The following THSD7A variants were observed in gnomAD, a reference collection of about 807,000 sequenced individuals.
THSD7A encodes the protein thrombospondin type 1 domain containing 7A, also known as thrombospondin type-1 domain-containing protein 7A.
In THSD7A, 96 loss-of-function variants were observed where a neutral mutation model predicts 231.3. The ratio of observed to expected loss-of-function variants is 0.41; its 90% CI spans 0.35 to 0.49. The LOEUF is 0.49. Ranked by LOEUF, THSD7A falls within the 20% of genes least tolerant of loss-of-function variation. THSD7A has a pLI of 0.05. For synonymous variants in THSD7A, 940 were observed against 743.3 expected (o/e 1.26, Z -4.30); for missense variants, 2,290 against 2,070.2 (o/e 1.11, Z -2.06).
chr7:11,780,015 C>T (rs530587456), intron 1 of THSD7A, among the ~76,000 whole-genome samples: 2 of 152,288 alleles, frequency 1.3e-5, no homozygotes, highest in East Asian at 3.9e-4. Flanking sequence ...ACAGCCAACA[C>T]TTGTTTTTCA....
chr7:11,765,396 C>A (rs1304808705), intron 1 of THSD7A, among the ~76,000 whole-genome samples: 2 of 152,090 alleles, frequency 1.3e-5, no homozygotes, highest in East Asian at 3.9e-4. Context: ...TAGGTGATAT[C>A]CAGCTGAATA....
chr7:11,622,013 G>A (rs947339984), intron 2 of THSD7A, among the ~76,000 whole-genome samples: 5 of 152,128 alleles, frequency 3.3e-5, no homozygotes, highest in Admixed American at 1.3e-4. Context: ...AGTGATATTT[G>A]GATGCTTCCA....
chr7:11,766,917 C>A (rs1783047825), intron 1 of THSD7A, among the ~76,000 whole-genome samples: 1 of 152,114 alleles, frequency 6.6e-6, no homozygotes, highest in Non-Finnish European at 1.5e-5. Context: ...ACTGCCACTG[C>A]ATTAATGTTT....
chr7:11,502,398 G>C (rs1026285530), intron 6 of THSD7A, among the ~76,000 whole-genome samples: 1 of 152,060 alleles, frequency 6.6e-6, no homozygotes, highest in Non-Finnish European at 1.5e-5. Flanking sequence ...CAAAATACTT[G>C]CAAACCAAAT....
intron 6 of THSD7A, among the ~76,000 whole-genome samples, chr7:11,521,097 T>C (rs1788242656): frequency 6.6e-6 from 1 of 152,202 alleles, no homozygotes; most frequent in South Asian, 2.1e-4. Flanking sequence ...ATCAGCCTGA[T>C]TTAAGGAACA....
At chr7:11,671,973 C>T (rs956996051) in intron 1 of THSD7A, among the ~76,000 whole-genome samples, 2 of 152,114 alleles carry the variant, frequency 1.3e-5, no homozygotes, top group Admixed American at 6.6e-5. Flanking sequence ...CTTCATTCTT[C>T]ATTTCTCTCA....
chr7:11,686,205 G>A (rs60828552), intron 1 of THSD7A, among the ~76,000 whole-genome samples: 15,922 of 151,648 alleles, frequency 0.1, 842 homozygotes, highest in African/African-American at 0.13. Context: ...AAAGAGTAAG[G>A]GTTAAGGGCT....
At position 11,651,267 on chromosome 7, in the gene THSD7A, A is replaced by T. The variant is rs576447928; in HGVS notation, c.191-14306T>A. ...AGAGACAGAAGATAGAGTGGTGGTTATGAGGGGATAGGTGAAGAAGGATAT... is the reference window on the plus strand; with the variant it reads ...AGAGACAGAAGATAGAGTGGTGGTTTTGAGGGGATAGGTGAAGAAGGATAT... On this transcript the variant is annotated intron_variant, in intron 1 of 27. Transcript: ENST00000423059. 2.6e-5 allele frequency among the ~76,000 whole-genome samples: 4 copies of T among 152,106 alleles called. No individual in the cohort carries two copies. In the East Asian group the frequency reaches 7.8e-4, roughly 30 times the overall value.
intron 6 of THSD7A, among the ~76,000 whole-genome samples, chr7:11,508,713 G>A (rs911731947): frequency 6.6e-6 from 1 of 152,140 alleles, no homozygotes; most frequent in Non-Finnish European, 1.5e-5. Context: ...ATTTATGAAT[G>A]GATAAAGAAA....
chr7:11,658,420 A>G (rs892171604), intron 1 of THSD7A, among the ~76,000 whole-genome samples: 6 of 151,640 alleles, frequency 4.0e-5, no homozygotes, highest in Non-Finnish European at 8.9e-5. Context: ...AATACAAATT[A>G]TTTCCTCCAG....
At chr7:11,808,266 GAGGA>G (rs1362030774) in intron 1 of THSD7A, among the ~76,000 whole-genome samples, 1 of 152,160 alleles carries the variant, frequency 6.6e-6, no homozygotes, top group African/African-American at 2.4e-5. Flanking sequence ...TTAGGCTCAT[GAGGA>G]CTTCTCCCTG....
intron 13 of THSD7A, among the ~76,000 whole-genome samples, chr7:11,432,183 C>T (rs148739877): frequency 1.3e-5 from 2 of 152,068 alleles, no homozygotes; most frequent in Non-Finnish European, 1.5e-5. Flanking sequence ...ATAGCACTTA[C>T]TCAGGTTTCA....
At chr7:11,801,907 A>C (rs1009824706) in intron 1 of THSD7A, among the ~76,000 whole-genome samples, 8 of 152,242 alleles carry the variant, frequency 5.3e-5, no homozygotes, top group African/African-American at 1.9e-4. Context: ...TATCAGGAAT[A>C]ACATTAAATC....
intron 23 of THSD7A, among the ~76,000 whole-genome samples, chr7:11,400,103 T>C (rs1300076562): frequency 6.9e-6 from 1 of 144,982 alleles, no homozygotes; most frequent in East Asian, 2.1e-4. Context: ...TAGGTGGGAA[T>C]TGAACAATGA....
chr7:11,470,494 T>C (rs1427426446), intron 8 of THSD7A, among the ~76,000 whole-genome samples: 2 of 151,864 alleles, frequency 1.3e-5, no homozygotes, highest in Non-Finnish European at 2.9e-5. Context: ...ACACAGTACA[T>C]GCTCAAAACA....
At chr7:11,613,796 A>G (rs1781015766) in intron 2 of THSD7A, among the ~76,000 whole-genome samples, 1 of 152,216 alleles carries the variant, frequency 6.6e-6, no homozygotes, top group Non-Finnish European at 1.5e-5. Flanking sequence ...TAGAAGGGGT[A>G]GTAGTTTGAT....
Position 11,446,384 on chromosome 7 carries a change from A to T in THSD7A, c.2801-60T>A. ...GAAAATACCATCATTAATTTCACAC[A>T]TCCCTAAATTTTCTGCTTTCCTAAT... On this transcript the variant is annotated intron_variant, in intron 12 of 27. Transcript: ENST00000423059. The surrounding 1 kb of genome is among the most constrained non-coding windows in gnomAD (Gnocchi z 4.0). 6.6e-7 allele frequency: 1 copy of T among 1,524,394 alleles called. No individual in the cohort carries two copies. The highest frequency in any genetic ancestry group is 8.8e-7 in the Non-Finnish European group (1 of 1,135,844). 94.4% of individuals were successfully genotyped at this position (1,524,394 alleles called of 1,614,324 possible). A position where few individuals can be genotyped will look rare whatever the true frequency, so the allele number is the denominator to read the frequency against.
chr7:11,681,613 CAA>C (rs1783873241), intron 1 of THSD7A, among the ~76,000 whole-genome samples: 1 of 151,588 alleles, frequency 6.6e-6, no homozygotes, highest in Admixed American at 6.6e-5. Context: ...TGGGATGATG[CAA>C]AGAGAACAAA....
At chr7:11,485,019 T>C (rs1786596213) in intron 6 of THSD7A, among the ~76,000 whole-genome samples, 1 of 151,062 alleles carries the variant, frequency 6.6e-6, no homozygotes, top group African/African-American at 2.4e-5. Flanking sequence ...GCCTCCCATG[T>C]AGCTGGGACT....
Sources: allele counts gnomAD v4.1 joint callset (sites outside exome capture counted in the v4.1 genomes callset), GRCh38; gene constraint gnomAD v4.1.1; non-coding constraint Gnocchi (gnomAD v3.1); transcripts MANE v1.5; gene names NCBI Gene and HGNC (gene_info 2026-07-23, HGNC 2026-07-21).